The following FBXO22 variants were observed in gnomAD, a reference collection of about 807,000 sequenced individuals.
FBXO22 encodes the protein F-box protein 22.
Under a neutral mutation model 37.2 loss-of-function variants are expected in FBXO22, and 13 were observed. That is an observed-to-expected ratio of 0.35 (90% CI 0.23 to 0.56). FBXO22 has a LOEUF of 0.56. Among genes scored for constraint, FBXO22 ranks in the 20% least tolerant of loss-of-function variants. The pLI, the probability that FBXO22 is intolerant of heterozygous loss-of-function variation, is 0.87. For missense variants in FBXO22, 446 were observed against 509.9 expected, an observed-to-expected ratio of 0.87 and a Z score of 1.21; for synonymous variants, 189 against 189.1, an observed-to-expected ratio of 1.00 and a Z score of 0.00.
rs773901647 is a variant in FBXO22, at chr15:75,933,102, ATAAT to A, written c.*4_*7del. The A allele has an allele frequency of 1.0e-5, 16 of 1,586,636 alleles. No individual in the cohort carries two copies. Among genetic ancestry groups the A allele is most frequent in the African/African-American group, 1.4e-5 (1 of 73,414 alleles). The stretch of plus-strand genomic sequence containing the variant: ...TCATACATCTGGGGTCATCTAAATA[ATAAT>A]TAAAGTGGCTTTCATAATATGTAAC... On this transcript the variant is annotated 3_prime_UTR_variant, in exon 7 of 7. Transcript: ENST00000308275.
rs1290845912 is a variant in FBXO22 at position 75,933,198 on chromosome 15, T to C, written c.*96T>C. On this transcript the variant is annotated 3_prime_UTR_variant, in exon 7 of 7. Coordinates refer to ENST00000308275, the MANE Select transcript of FBXO22 (RefSeq NM_147188.3). The stretch of plus-strand genomic sequence containing the variant: ...TGTGTATTTCAAACAAAAATAACTT[T>C]AGATATATCTTTTTTGTAGCTTTGA... 4 of 1,020,818 alleles carry C rather than the reference T, an allele frequency of 3.9e-6. No homozygotes were observed. The highest frequency in any genetic ancestry group is 2.4e-5 in the East Asian group (1 of 40,878). 63.2% of individuals were successfully genotyped at this position (1,020,818 alleles called of 1,614,324 possible). A position where few individuals can be genotyped will look rare whatever the true frequency, so the allele number is the denominator to read the frequency against.
At chr15:75,912,122 C>T (rs1286622809) in intron 2 of FBXO22, among the ~76,000 whole-genome samples, 2 of 151,780 alleles carry the variant, frequency 1.3e-5, no homozygotes, top group African/African-American at 2.4e-5. Context: ...GGGGTGAAGC[C>T]GACTTGATTG....
In FBXO22 at chr15:75,927,160, C is replaced by G. The variant is rs1333096687; in HGVS notation, c.629-2724C>G. 2.0e-5 allele frequency among the ~76,000 whole-genome samples: 3 copies of G among 152,166 alleles called. No homozygotes were observed. In the East Asian group the frequency reaches 5.8e-4, roughly 29 times the overall value. The stretch of plus-strand genomic sequence containing the variant: ...CTGGCTAATGTATAATGCTCTGACA[C>G]AGGGTTGTGAAGTAGCAATATTAAT... On this transcript the variant is annotated intron_variant, in intron 5 of 6. Coordinates refer to ENST00000308275, the MANE Select transcript of FBXO22 (RefSeq NM_147188.3).
rs770889567 is a variant in FBXO22 at position 75,903,941 on chromosome 15, T to G, written c.-23T>G. ...GGGTTCCTCCGAGCCGCCGTAGGAC[T>G]GGTTCCGGCGGGCTGGTGAGGAATG... On this transcript the variant is annotated 5_prime_UTR_variant, in exon 1 of 7. Transcript: ENST00000308275. 3 of 1,525,646 alleles carry G rather than the reference T, an allele frequency of 2.0e-6. No homozygotes were observed. The East Asian group carries it at 7.2e-5, about 37-fold the overall frequency. 94.5% of individuals were successfully genotyped at this position (1,525,646 alleles called of 1,614,324 possible).
rs891518640 is a variant in FBXO22 at position 75,942,478 on chromosome 15, A to T, written c.*9376A>T. 6.6e-6 allele frequency: 1 copy of T among 152,182 alleles called. No homozygotes were observed. Among genetic ancestry groups the T allele is most frequent in the African/African-American group, 2.4e-5 (1 of 41,440 alleles). The allele number at this position is 152,182 out of a possible 1,614,324, so 9.4% of individuals were successfully genotyped here. ...ATACTATCTGCTCAGTTTTTCTGAA[A>T]ATCTAAAACTTCTAATAAAGTCTAT... On this transcript the variant is annotated 3_prime_UTR_variant, in exon 7 of 7. Transcript: ENST00000308275.
At chr15:75,924,656 G>A (rs1900401415) in intron 5 of FBXO22, among the ~76,000 whole-genome samples, 1 of 152,132 alleles carries the variant, frequency 6.6e-6, no homozygotes, top group Admixed American at 6.5e-5. Flanking sequence ...CAGGGAAGGG[G>A]CTCTAGACTC....
In FBXO22 at chr15:75,935,080, A is replaced by T. The variant is rs1437896265; in HGVS notation, c.*1978A>T. ...CCTTAGTGCAAAGTAAAAAGGGAAAAGTTGACCTAATAGAAACAATAGTAG... is the reference window on the plus strand; with the variant it reads ...CCTTAGTGCAAAGTAAAAAGGGAAATGTTGACCTAATAGAAACAATAGTAG... On this transcript the variant is annotated 3_prime_UTR_variant, in exon 7 of 7. Coordinates refer to ENST00000308275, the MANE Select transcript of FBXO22 (RefSeq NM_147188.3). The T allele has an allele frequency of 6.6e-6, 1 of 152,214 alleles. No homozygotes were observed. The highest frequency in any genetic ancestry group is 1.5e-5 in the Non-Finnish European group (1 of 68,026). 9.4% of individuals were successfully genotyped at this position (152,214 alleles called of 1,614,324 possible). A position where few individuals can be genotyped will look rare whatever the true frequency, so the allele number is the denominator to read the frequency against.
In FBXO22 at chr15:75,917,325, A is replaced by G. The variant is rs1900213269; in HGVS notation, c.559A>G (p.Ile187Val). ...ATTCCCTCAAATTGAAGGAATAAAA[A>G]TACAACCCTTTCATTTTATTAAGGA... ...LLFPQIEGIK[I>V]QPFHFIKDPK... Residue 187 changes from isoleucine (I) to valine (V), a missense_variant, in exon 5 of 7, where the codon ATA becomes GTA. Physicochemically the swap from Ile to Val is conservative, Grantham distance 29 (BLOSUM62 3). Around this residue, in one of 2 missense-constraint regions of FBXO22, gnomAD observed 315 missense variants for 410.1 expected, o/e 0.77. Transcript: ENST00000308275. 1.2e-6 allele frequency: 2 copies of G among 1,608,614 alleles called. No homozygotes were observed. The highest frequency in any genetic ancestry group is 2.2e-5 in the East Asian group (1 of 44,768).
At chr15:75,920,291 C>T (rs1900288715) in intron 5 of FBXO22, among the ~76,000 whole-genome samples, 1 of 152,162 alleles carries the variant, frequency 6.6e-6, no homozygotes, top group African/African-American at 2.4e-5. Flanking sequence ...AAAGGAATGG[C>T]TGTGGTCAGA....
chr15:75,913,376 T>G, intron 3 of FBXO22, 86 bp downstream of exon 3: 2 of 884,400 alleles, frequency 2.3e-6, no homozygotes, highest in Admixed American at 4.1e-5. Flanking sequence ...GTCCTGAGAG[T>G]TAACTGACTT....
Position 75,939,050 on chromosome 15 carries a change from G to A in FBXO22, c.*5948G>A, listed in dbSNP as rs1477597707. On this transcript the variant is annotated 3_prime_UTR_variant, in exon 7 of 7. Coordinates refer to ENST00000308275, the MANE Select transcript of FBXO22 (RefSeq NM_147188.3). ...CAACCTGACTTTGCAGCTTGAGGGGGAAAAACATACTAAATCCAAAGCTAG... is the reference window on the plus strand; with the variant it reads ...CAACCTGACTTTGCAGCTTGAGGGGAAAAAACATACTAAATCCAAAGCTAG... 2 of 151,956 alleles carry A rather than the reference G, an allele frequency of 1.3e-5. No homozygotes were observed. Among genetic ancestry groups the A allele is most frequent in the Non-Finnish European group, 2.9e-5 (2 of 67,972 alleles). 9.4% of individuals were successfully genotyped at this position (151,956 alleles called of 1,614,324 possible). A position where few individuals can be genotyped will look rare whatever the true frequency, so the allele number is the denominator to read the frequency against.
rs1027825496 is a variant in FBXO22 at position 75,934,770 on chromosome 15, A to C, written c.*1668A>C. ...CTTGAATGTGCTCATATAGCCCATA[A>C]GGCAAATATTTTTTAAACTTTATTG... On this transcript the variant is annotated 3_prime_UTR_variant, in exon 7 of 7. Transcript: ENST00000308275. 23 of 152,212 alleles carry C rather than the reference A, an allele frequency of 1.5e-4. No individual in the cohort carries two copies. The highest frequency in any genetic ancestry group is 4.4e-5 in the Non-Finnish European group (3 of 68,032). The allele number at this position is 152,212 out of a possible 1,614,324, so 9.4% of individuals were successfully genotyped here.
At chr15:75,919,606 T>C (rs1320151245) in intron 5 of FBXO22, among the ~76,000 whole-genome samples, 1 of 152,224 alleles carries the variant, frequency 6.6e-6, no homozygotes, top group East Asian at 1.9e-4. Context: ...ATTCACAGAA[T>C]TGTGAAGATT....
intron 2 of FBXO22, among the ~76,000 whole-genome samples, chr15:75,909,473 G>A (rs1000362232): frequency 4.6e-5 from 7 of 152,196 alleles, no homozygotes; most frequent in African/African-American, 1.7e-4. Context: ...GATAAGCAGT[G>A]AAAAGGGAGT....
rs1431200097 is a variant in FBXO22 at position 75,935,755 on chromosome 15, G to T, written c.*2653G>T. 3 of 151,958 alleles carry T rather than the reference G, an allele frequency of 2.0e-5. No individual in the cohort carries two copies. Among genetic ancestry groups the T allele is most frequent in the Non-Finnish European group, 4.4e-5 (3 of 68,006 alleles). 9.4% of individuals were successfully genotyped at this position (151,958 alleles called of 1,614,324 possible). On this transcript the variant is annotated 3_prime_UTR_variant, in exon 7 of 7. Transcript: ENST00000308275. ...AAATTTAACAAAGTGAACATGCAAA[G>T]AATTACAATAGAAATAAACTTTTAC...
In FBXO22 at chr15:75,927,996, A is replaced by G. The variant is rs117323655; in HGVS notation, c.629-1888A>G. On this transcript the variant is annotated intron_variant, in intron 5 of 6. Coordinates refer to ENST00000308275, the MANE Select transcript of FBXO22 (RefSeq NM_147188.3). Reference sequence around the variant, plus strand: ...CATACATGCGGCCAACAATCATAGGAAAAAAAGCTCCACATCACTGATCAT... The same window carrying G: ...CATACATGCGGCCAACAATCATAGGGAAAAAAGCTCCACATCACTGATCAT... 7.5e-3 allele frequency among the ~76,000 whole-genome samples: 1,145 copies of G among 152,270 alleles called. 9 individuals carry two copies. Among genetic ancestry groups the G allele is most frequent in the Admixed American group, 0.028 (430 of 15,294 alleles).
At chr15:75,916,281 T>C (rs1375944305) in intron 4 of FBXO22, among the ~76,000 whole-genome samples, 1 of 152,166 alleles carries the variant, frequency 6.6e-6, no homozygotes, top group Non-Finnish European at 1.5e-5. Flanking sequence ...CTACTAGGGC[T>C]ACCATAACAA....
chr15:75,935,376 A>C lies in FBXO22; in HGVS notation c.*2274A>C, dbSNP rs1237692892. On this transcript the variant is annotated 3_prime_UTR_variant, in exon 7 of 7. Coordinates refer to ENST00000308275, the MANE Select transcript of FBXO22 (RefSeq NM_147188.3). ...AGAAGTAAAGGTGTACCATTAGCCTACATACTGAGCTGACGATCAGATCAT... is the reference window on the plus strand; with the variant it reads ...AGAAGTAAAGGTGTACCATTAGCCTCCATACTGAGCTGACGATCAGATCAT... The C allele has an allele frequency of 6.6e-6, 1 of 152,208 alleles. No homozygotes were observed. The highest frequency in any genetic ancestry group is 2.4e-5 in the African/African-American group (1 of 41,448). 9.4% of individuals were successfully genotyped at this position (152,208 alleles called of 1,614,324 possible).
chr15:75,933,190 A>AATAACTTTAGATAT lies in FBXO22; in HGVS notation c.*91_*104dup. ...TTGGGCCATGTGTATTTCAAACAAA[A>AATAACTTTAGATAT]ATAACTTTAGATATATCTTTTTTGT... On this transcript the variant is annotated 3_prime_UTR_variant, in exon 7 of 7. Transcript: ENST00000308275. 2 of 1,132,034 alleles carry AATAACTTTAGATAT rather than the reference A, an allele frequency of 1.8e-6. No individual in the cohort carries two copies. The highest frequency in any genetic ancestry group is 4.8e-5 in the East Asian group (2 of 42,052). 70.1% of individuals were successfully genotyped at this position (1,132,034 alleles called of 1,614,324 possible).
Sources: gnomAD v4.1 joint callset for allele counts (sites outside exome capture counted in the v4.1 genomes callset) on GRCh38, gnomAD v4.1.1 for gene constraint, gnomAD v4.1.1 regional missense constraint, MANE v1.5 for transcripts, NCBI Gene and HGNC (gene_info 2026-07-23, HGNC 2026-07-21) for gene names.